The following SKIC3 variants were observed in gnomAD, a reference collection of about 807,000 sequenced individuals.
The protein encoded by SKIC3 is SKI3 subunit of superkiller complex.
chr5:95,490,936 C>G, the SKIC3 span: 1 of 1,614,036 alleles, frequency 6.2e-7, no homozygotes, highest in Non-Finnish European at 8.5e-7. Context: ...ATAACAGTGC[C>G]AAGTATAAAT....
chr5:95,518,092 T>G, the SKIC3 span, among the ~76,000 whole-genome samples: 1 of 152,236 alleles, frequency 6.6e-6, no homozygotes, highest in South Asian at 2.1e-4. Flanking sequence ...GTCCATGGTA[T>G]TCTGTTATGG....
the SKIC3 span, among the ~76,000 whole-genome samples, chr5:95,536,146 A>T: frequency 6.6e-6 from 1 of 152,228 alleles, no homozygotes. Flanking sequence ...AGTTGTCATC[A>T]GTTCTCTCTT....
the SKIC3 span, among the ~76,000 whole-genome samples, chr5:95,499,744 T>TTACA: frequency 6.6e-6 from 1 of 152,280 alleles, no homozygotes; most frequent in Admixed American, 6.5e-5. Context: ...AACCAGCACT[T>TTACA]TACATAATAA....
the SKIC3 span, among the ~76,000 whole-genome samples, chr5:95,466,998 A>G: frequency 2.6e-5 from 4 of 152,208 alleles, no homozygotes; most frequent in Non-Finnish European, 4.4e-5. Context: ...CTTCTGGCCA[A>G]AAAAGGGAAA....
the SKIC3 span, chr5:95,514,705 C>A: frequency 1.5e-6 from 1 of 658,546 alleles, no homozygotes; most frequent in Non-Finnish European, 2.6e-6. Flanking sequence ...GATAGATTAA[C>A]TGAAATAGTG....
chr5:95,536,915 T>G, the SKIC3 span: 1 of 1,613,634 alleles, frequency 6.2e-7, no homozygotes, highest in Non-Finnish European at 8.5e-7. Context: ...TCTAGCAGAC[T>G]CATGAGGAAA....
chr5:95,492,152 C>T, the SKIC3 span, among the ~76,000 whole-genome samples: 1 of 148,364 alleles, frequency 6.7e-6, no homozygotes, highest in African/African-American at 2.4e-5. Context: ...ATAATAACTA[C>T]CTTATTTTAA....
chr5:95,504,495 C>G, the SKIC3 span, among the ~76,000 whole-genome samples: 3 of 151,798 alleles, frequency 2.0e-5, no homozygotes, highest in South Asian at 6.2e-4. Flanking sequence ...TAATATGGAT[C>G]TCTAATTTTT....
chr5:95,536,418 AG>A, the SKIC3 span: 1 of 237,422 alleles, frequency 4.2e-6, no homozygotes. Context: ...AATATATCTT[AG>A]TTATTTCTTC....
chr5:95,501,200 AT>A, the SKIC3 span, among the ~76,000 whole-genome samples: 1 of 152,190 alleles, frequency 6.6e-6, no homozygotes, highest in Non-Finnish European at 1.5e-5. Flanking sequence ...AGGAAAAAAA[AT>A]CTACCTACTT....
chr5:95,523,523 A>T, the SKIC3 span: 2 of 1,247,738 alleles, frequency 1.6e-6, no homozygotes, highest in South Asian at 3.0e-5. Flanking sequence ...TCACTTACAG[A>T]GGCAAAAATA....
chr5:95,523,729 C>T, the SKIC3 span: 1 of 1,613,730 alleles, frequency 6.2e-7, no homozygotes, highest in Non-Finnish European at 8.5e-7. Context: ...AATTCAAAGG[C>T]TTTCCTATAA....
the SKIC3 span, among the ~76,000 whole-genome samples, chr5:95,483,193 ATGTAT>A: frequency 3.3e-5 from 5 of 152,092 alleles, no homozygotes; most frequent in African/African-American, 1.2e-4. Flanking sequence ...ACATACATAA[ATGTAT>A]TGTATATACT....
At chr5:95,501,918 A>G in the SKIC3 span, among the ~76,000 whole-genome samples, 2 of 152,308 alleles carry the variant, frequency 1.3e-5, no homozygotes, top group East Asian at 3.9e-4. Context: ...AGCCATGTAA[A>G]GTGACAGGAT....
chr5:95,527,490 C>T, the SKIC3 span, among the ~76,000 whole-genome samples: 40 of 152,210 alleles, frequency 2.6e-4, no homozygotes, highest in African/African-American at 9.4e-4. Context: ...TGACAAAAAT[C>T]TTTAGGGCAT....
At chr5:95,536,786 A>G in the SKIC3 span, 1 of 1,537,138 alleles carries the variant, frequency 6.5e-7, no homozygotes, top group East Asian at 2.3e-5. Flanking sequence ...ACACACCTCT[A>G]GGACACACAC....
chr5:95,480,982 C>T, the SKIC3 span, among the ~76,000 whole-genome samples: 1 of 152,042 alleles, frequency 6.6e-6, no homozygotes, highest in Admixed American at 6.6e-5. Flanking sequence ...GATCAACTGA[C>T]AGAGGCCTAG....
the SKIC3 span, chr5:95,514,816 T>A: frequency 6.3e-7 from 1 of 1,596,896 alleles, no homozygotes; most frequent in Admixed American, 1.7e-5. Context: ...GTTATTGATA[T>A]CAACAAGCTT....
chr5:95,534,735 C>A, the SKIC3 span, among the ~76,000 whole-genome samples: 1 of 152,138 alleles, frequency 6.6e-6, no homozygotes, highest in East Asian at 1.9e-4. Flanking sequence ...TCCCTCCAAG[C>A]CAGCCAGCAC....
Sources: allele counts gnomAD v4.1 joint callset (sites outside exome capture counted in the v4.1 genomes callset), GRCh38; gene constraint gnomAD v4.1.1; transcripts MANE v1.5; gene names NCBI Gene and HGNC (gene_info 2026-07-23, HGNC 2026-07-21).